Variants in PTBP2 observed in about 807,000 individuals in gnomAD.
PTBP2 encodes polypyrimidine tract-binding protein 2.
Under a neutral mutation model 61.4 loss-of-function variants are expected in PTBP2, and 13 were observed. That is an observed-to-expected ratio of 0.21 (90% CI 0.14 to 0.34). The LOEUF is 0.34. PTBP2 is among the 10% of genes least tolerant of loss of function. The pLI, the probability that PTBP2 is intolerant of heterozygous loss-of-function variation, is 1.00. For synonymous variants in PTBP2, 215 were observed against 218.5 expected, an observed-to-expected ratio of 0.98 and a Z score of 0.14; for missense variants, 405 against 642.6, an observed-to-expected ratio of 0.63 and a Z score of 4.00.
intron 8 of PTBP2, among the ~76,000 whole-genome samples, chr1:96,797,841 G>A (rs1660545513): frequency 6.6e-6 from 1 of 152,112 alleles, no homozygotes. Context: ...GTACACCATT[G>A]TTTTACCCCC....
intron 2 of PTBP2, among the ~76,000 whole-genome samples, chr1:96,731,639 T>G (rs1280212315): frequency 6.6e-6 from 1 of 152,174 alleles, no homozygotes; most frequent in Non-Finnish European, 1.5e-5. Context: ...TATCCAAGTT[T>G]TTATGGCTTT....
intron 2 of PTBP2, among the ~76,000 whole-genome samples, chr1:96,724,245 AT>A: frequency 7.3e-6 from 1 of 137,062 alleles, no homozygotes; most frequent in South Asian, 2.7e-4. Flanking sequence ...ATGTATTGTA[AT>A]TTTTTTTTGT....
intron 3 of PTBP2, among the ~76,000 whole-genome samples, chr1:96,762,211 T>C (rs1425261245): frequency 3.3e-5 from 5 of 150,588 alleles, no homozygotes; most frequent in African/African-American, 1.2e-4. Flanking sequence ...AAACCGCCAT[T>C]GTCATCATGG....
chr1:96,756,147 C>T lies in PTBP2; in HGVS notation c.115+4647C>T, dbSNP rs561465909. The stretch of plus-strand genomic sequence containing the variant: ...GGCACAGTGGCTTACGCCTGTAATC[C>T]CAGCGCTTTGGGAAGCCAAGGCAGG... On this transcript the variant is annotated intron_variant, in intron 3 of 13. Transcript: ENST00000674951. 9.9e-5 allele frequency among the ~76,000 whole-genome samples: 15 copies of T among 152,250 alleles called. 1 individual carries two copies. The South Asian group carries it at 2.1e-3, about 21-fold the overall frequency.
At chr1:96,768,146 GTT>G (rs1656951055) in intron 3 of PTBP2, among the ~76,000 whole-genome samples, 1 of 151,978 alleles carries the variant, frequency 6.6e-6, no homozygotes, top group Admixed American at 6.6e-5. Context: ...GCACATCACT[GTT>G]TTACCTCACA....
At chr1:96,799,137 AT>A (rs377457958) in intron 8 of PTBP2, among the ~76,000 whole-genome samples, 4 of 152,244 alleles carry the variant, frequency 2.6e-5, no homozygotes, top group African/African-American at 9.6e-5. Context: ...ATTTTAGGAG[AT>A]TACTGAGTCA....
chr1:96,778,041 G>A (rs556250418), intron 7 of PTBP2, 95 bp downstream of exon 7: 48 of 486,040 alleles, frequency 9.9e-5, no homozygotes, highest in South Asian at 7.9e-4. Context: ...ATATCTTGTA[G>A]CATTACAGAT....
chr1:96,785,339 G>T, intron 8 of PTBP2, 85 bp downstream of exon 8: 1 of 1,080,922 alleles, frequency 9.3e-7, no homozygotes, highest in Non-Finnish European at 1.3e-6. Context: ...CCCCCATTTT[G>T]GACCTTACCA....
intron 7 of PTBP2, among the ~76,000 whole-genome samples, chr1:96,781,176 T>C (rs776831058): frequency 5.3e-5 from 8 of 152,082 alleles, no homozygotes; most frequent in Non-Finnish European, 1.0e-4. Context: ...CCGTCAATCA[T>C]AATTTAAGTA....
intron 8 of PTBP2, among the ~76,000 whole-genome samples, chr1:96,786,457 A>G (rs1659214451): frequency 1.3e-5 from 2 of 152,182 alleles, no homozygotes; most frequent in African/African-American, 4.8e-5. Context: ...GTGTGTGTCT[A>G]GCTTAATTCG....
intron 3 of PTBP2, among the ~76,000 whole-genome samples, chr1:96,765,180 T>A (rs1656533464): frequency 6.6e-6 from 1 of 152,180 alleles, no homozygotes; most frequent in South Asian, 2.1e-4. Flanking sequence ...TGCCTTGAAG[T>A]CTAAAACTGC....
chr1:96,822,415 TAG>T (rs1432196287), exon 14 of PTBP2: 2 of 152,094 alleles, frequency 1.3e-5, no homozygotes, highest in African/African-American at 4.8e-5. Flanking sequence ...AAGGAACAAA[TAG>T]AGAAATACGT....
chr1:96,819,704 A>T (rs1369634071), downstream of PTBP2: 15 of 144,204 alleles, frequency 1.0e-4, no homozygotes, highest in East Asian at 2.6e-3. Context: ...TTTTTTTTTT[A>T]TTATTATTAT....
At chr1:96,786,536 A>G (rs1010388425) in intron 8 of PTBP2, among the ~76,000 whole-genome samples, 13 of 152,194 alleles carry the variant, frequency 8.5e-5, no homozygotes, top group Non-Finnish European at 1.5e-5. Flanking sequence ...GGAATGAAAG[A>G]GTGAAACATG....
At chr1:96,763,970 G>A (rs1294052124) in intron 3 of PTBP2, among the ~76,000 whole-genome samples, 5 of 152,152 alleles carry the variant, frequency 3.3e-5, no homozygotes, top group Non-Finnish European at 7.3e-5. Flanking sequence ...TCAAAAGGAC[G>A]TTGGTAGACA....
At chr1:96,785,412 GA>G (rs1659109116) in intron 8 of PTBP2, among the ~76,000 whole-genome samples, 158 bp downstream of exon 8, 1 of 152,114 alleles carries the variant, frequency 6.6e-6, no homozygotes, top group East Asian at 1.9e-4. Context: ...ATACTGTTAA[GA>G]AAAACCCAAA....
At chr1:96,808,228 T>C (rs1661689273) in intron 11 of PTBP2, among the ~76,000 whole-genome samples, 1 of 152,054 alleles carries the variant, frequency 6.6e-6, no homozygotes, top group African/African-American at 2.4e-5. Flanking sequence ...CTGCTTGGGC[T>C]GCTGTAACCA....
intron 1 of PTBP2, 91 bp downstream of exon 1, chr1:96,721,963 G>C (rs1649627602): frequency 3.3e-6 from 5 of 1,512,540 alleles, no homozygotes; most frequent in Non-Finnish European, 3.6e-6. Context: ...ACCCTCCCGC[G>C]GCCCCTCCCA....
chr1:96,803,343 A>G (rs778010900), intron 8 of PTBP2, among the ~76,000 whole-genome samples: 2 of 152,068 alleles, frequency 1.3e-5, no homozygotes, highest in African/African-American at 2.4e-5. Flanking sequence ...TATTTTAGTC[A>G]CTTTTACTTT....
Sources: gnomAD v4.1 joint callset for allele counts (sites outside exome capture counted in the v4.1 genomes callset) on GRCh38, gnomAD v4.1.1 for gene constraint, MANE v1.5 for transcripts, NCBI Gene and HGNC (gene_info 2026-07-23, HGNC 2026-07-21) for gene names.